Variants in UGT1A5 observed in about 807,000 individuals in gnomAD.
UGT1A5 encodes the protein UDP-glucuronosyltransferase 1A5.
A neutral mutation model predicts 40.3 loss-of-function variants in UGT1A5; 29 were observed. The observed-to-expected ratio is 0.72, with a 90% confidence interval of 0.54 to 0.98. The LOEUF (loss-of-function observed/expected upper bound fraction) is 0.98, where lower values mean the gene tolerates loss of function less well. UGT1A5 is among the 50% of genes least tolerant of loss of function. The pLI, the probability that UGT1A5 is intolerant of heterozygous loss-of-function variation, is 0.00. For missense variants in UGT1A5, 678 were observed against 677.9 expected, an observed-to-expected ratio of 1.00 and a Z score of 0.00; for synonymous variants, 257 against 262.5, an observed-to-expected ratio of 0.98 and a Z score of 0.20.
intron 1 of UGT1A5, among the ~76,000 whole-genome samples, chr2:233,717,485 C>A (rs1315707595): frequency 6.6e-6 from 1 of 152,214 alleles, no homozygotes; most frequent in Non-Finnish European, 1.5e-5. Context: ...AAGGTGGAAT[C>A]TGTTATCAAT....
At chr2:233,768,057 G>A in intron 3 of UGT1A5, 121 bp downstream of exon 3, 2 of 1,602,426 alleles carry the variant, frequency 1.2e-6, no homozygotes, top group Non-Finnish European at 1.7e-6. Flanking sequence ...ATCCTACATT[G>A]CTTTTTATCT....
chr2:233,747,095 T>C, intron 1 of UGT1A5: 1 of 1,292,004 alleles, frequency 7.7e-7, no homozygotes, highest in South Asian at 1.4e-5. Context: ...GAGCACTCTA[T>C]CTTCCAATTA....
At chr2:233,747,965 T>C (rs1575687176) in intron 1 of UGT1A5, 2 of 1,613,472 alleles carry the variant, frequency 1.2e-6, no homozygotes, top group Non-Finnish European at 1.7e-6. Flanking sequence ...TTCTCAGCCA[T>C]GCATCTGTGT....
At chr2:233,743,484 G>T (rs773869804) in intron 1 of UGT1A5, 2 of 1,367,080 alleles carry the variant, frequency 1.5e-6, no homozygotes, top group Non-Finnish European at 2.0e-6. Flanking sequence ...GAAATTCACT[G>T]AAGGCAGAGA....
At chr2:233,761,005 A>G (rs1292729265) in intron 1 of UGT1A5, 1 of 1,614,128 alleles carries the variant, frequency 6.2e-7, no homozygotes, top group South Asian at 1.1e-5. Context: ...ATTCCTTCAG[A>G]GAGAGGTGAC....
intron 1 of UGT1A5, among the ~76,000 whole-genome samples, chr2:233,746,886 T>C (rs1265545295): frequency 6.6e-6 from 1 of 151,624 alleles, no homozygotes; most frequent in Non-Finnish European, 1.5e-5. Context: ...AACAGAGAAG[T>C]AGGAGGCTGT....
intron 1 of UGT1A5, chr2:233,747,639 G>A: frequency 6.3e-7 from 1 of 1,582,892 alleles, no homozygotes; most frequent in East Asian, 2.2e-5. Context: ...GCACCTGAAT[G>A]CTACTTCCTT....
At chr2:233,713,916 G>T in intron 1 of UGT1A5, 58 bp downstream of exon 1, 1 of 1,612,412 alleles carries the variant, frequency 6.2e-7, no homozygotes, top group Non-Finnish European at 8.5e-7. Context: ...TTTAAAAAAT[G>T]TATTTACTTA....
intron 1 of UGT1A5, among the ~76,000 whole-genome samples, chr2:233,757,694 G>C (rs757732265): frequency 2.6e-5 from 4 of 151,666 alleles, no homozygotes; most frequent in Non-Finnish European, 5.9e-5. Context: ...ATTCAAGGAA[G>C]GTGGCTTTGC....
In UGT1A5 at chr2:233,768,530, C is replaced by T. The variant is rs181512709; in HGVS notation, c.1307+91C>T. On this transcript the variant is annotated intron_variant, in intron 4 of 4. Transcript: ENST00000373414. ...AAAACATTTACGTAGCATTTAATAG[C>T]GTTGTTTCAAATATAAAAACAAATA... 249 of 1,496,408 alleles carry T rather than the reference C, an allele frequency of 1.7e-4. No homozygotes were observed. In the African/African-American group the frequency reaches 3.2e-3, roughly 19 times the overall value. The allele number at this position is 1,496,408 out of a possible 1,614,324, so 92.7% of individuals were successfully genotyped here. A position where few individuals can be genotyped will look rare whatever the true frequency, so the allele number is the denominator to read the frequency against.
chr2:233,767,182 C>T lies in UGT1A5; in HGVS notation c.999+17C>T. The T allele has an allele frequency of 6.2e-7, 1 of 1,613,942 alleles. No individual in the cohort carries two copies. The highest frequency in any genetic ancestry group is 8.5e-7 in the Non-Finnish European group (1 of 1,179,982). On this transcript the variant is annotated intron_variant, in intron 2 of 4. Coordinates refer to ENST00000373414, the MANE Select transcript of UGT1A5 (RefSeq NM_019078.2). ...CCTCAGACAGTAAGAAGATTCTATACCATGGCCTCATATCTATTTTCACAG... is the reference window on the plus strand; with the variant it reads ...CCTCAGACAGTAAGAAGATTCTATATCATGGCCTCATATCTATTTTCACAG...
intron 1 of UGT1A5, chr2:233,754,897 C>A: frequency 3.0e-6 from 4 of 1,351,174 alleles, no homozygotes; most frequent in South Asian, 1.1e-5. Flanking sequence ...TTCCTCTGAC[C>A]CCCCAAAATA....
intron 1 of UGT1A5, chr2:233,717,996 A>G (rs2076620748): frequency 2.4e-6 from 1 of 421,104 alleles, no homozygotes; most frequent in Non-Finnish European, 4.8e-6. Context: ...AGACTGTGCA[A>G]GATCTGAGGC....
In UGT1A5 at chr2:233,713,691, C is replaced by T; in HGVS notation, c.700C>T (p.Leu234Phe). Residue 234 changes from leucine to phenylalanine, a missense_variant, in exon 1 of 5, where the codon CTT becomes TTT. Transcript: ENST00000373414. ...TGCTGTTTCTGCTCCTTATGCAAGC[C>T]TTGCCTCTGAGCTTTTTCAGAGAGA... ...CHAVSAPYAS[L>F]ASELFQREVS... The T allele has an allele frequency of 3.1e-6, 5 of 1,613,942 alleles. 1 individual carries two copies. The South Asian group carries it at 5.5e-5, about 18-fold the overall frequency.
chr2:233,772,766 C>A lies in UGT1A5; in HGVS notation c.*207C>A, dbSNP rs910513508. The A allele has an allele frequency of 8.7e-6, 12 of 1,374,468 alleles. No homozygotes were observed. Among genetic ancestry groups the A allele is most frequent in the East Asian group, 7.6e-5 (3 of 39,290 alleles). 85.1% of individuals were successfully genotyped at this position (1,374,468 alleles called of 1,614,324 possible). ...AGATATTTGAATATGTATCGTGCCC[C>A]CTCTGGTGTCTTTGATCAGGATGAC... On this transcript the variant is annotated 3_prime_UTR_variant, in exon 5 of 5. Transcript: ENST00000373414.
At chr2:233,752,715 G>T (rs1184638783) in intron 1 of UGT1A5, among the ~76,000 whole-genome samples, 2 of 152,110 alleles carry the variant, frequency 1.3e-5, no homozygotes, top group African/African-American at 4.8e-5. Flanking sequence ...ATCTTGCCTA[G>T]GCAACAGCTA....
At chr2:233,742,091 C>T (rs1449888416) in intron 1 of UGT1A5, 1 of 151,792 alleles carries the variant, frequency 6.6e-6, no homozygotes, top group Non-Finnish European at 1.5e-5. Context: ...TTTACATTTC[C>T]AGGACCCACT....
chr2:233,747,276 T>G (rs1693607556), intron 1 of UGT1A5: 6 of 1,598,748 alleles, frequency 3.8e-6, no homozygotes, highest in Non-Finnish European at 5.1e-6. Flanking sequence ...TCCTTCTCAG[T>G]GCCCAGCCCT....
intron 1 of UGT1A5, among the ~76,000 whole-genome samples, chr2:233,724,404 G>C (rs1202271642): frequency 1.4e-5 from 2 of 140,508 alleles, no homozygotes; most frequent in African/African-American, 2.7e-5. Flanking sequence ...CTTCCCAGAT[G>C]GGGTGGCTGC....
Sources: allele counts gnomAD v4.1 joint callset (sites outside exome capture counted in the v4.1 genomes callset), GRCh38; gene constraint gnomAD v4.1.1; transcripts MANE v1.5; gene names NCBI Gene and HGNC (gene_info 2026-07-23, HGNC 2026-07-21).